VWCE: variants seen among roughly 807,000 people sequenced by gnomAD.
The protein encoded by VWCE is von Willebrand factor C and EGF domains, also known as von Willebrand factor C and EGF domain-containing protein.
Under a neutral mutation model 102.9 loss-of-function variants are expected in VWCE, and 68 were observed. That is an observed-to-expected ratio of 0.66 (90% CI 0.54 to 0.81). The LOEUF (loss-of-function observed/expected upper bound fraction) is 0.81, where lower values mean the gene tolerates loss of function less well. VWCE is among the 30% of genes least tolerant of loss of function. The pLI is 0.00. For missense variants in VWCE, 1,137 were observed against 1,263.6 expected (o/e 0.90, Z 1.52); for synonymous variants, 497 against 515.4 (o/e 0.96, Z 0.48).
Position 61,286,469 on chromosome 11 carries a change from C to T in VWCE, c.425-39G>A, listed in dbSNP as rs1235213896. ...AAGCACGTGTTTACACAGTGGTCCT[C>T]GCAAGAGGAACTTACACATTTGTCA... On this transcript the variant is annotated intron_variant, in intron 4 of 19. Transcript: ENST00000335613. The T allele has an allele frequency of 6.3e-6, 10 of 1,577,512 alleles. No individual in the cohort carries two copies. In the East Asian group the frequency reaches 1.3e-4, roughly 21 times the overall value.
rs188100752 is a variant in VWCE at position 61,280,486 on chromosome 11, C to T, written c.1324+138G>A. 503 of 849,326 alleles carry T rather than the reference C, an allele frequency of 5.9e-4. 5 individuals are homozygous for T. In the African/African-American group the frequency reaches 6.9e-3, roughly 12 times the overall value. 52.6% of individuals were successfully genotyped at this position (849,326 alleles called of 1,614,324 possible). A position where few individuals can be genotyped will look rare whatever the true frequency, so the allele number is the denominator to read the frequency against. Reference sequence around the variant, plus strand: ...ACTACATCAGAAGCTCTGGGAGCAGCGCCAAGGGAAGTGTGGCTTAGTAAA... The same window carrying T: ...ACTACATCAGAAGCTCTGGGAGCAGTGCCAAGGGAAGTGTGGCTTAGTAAA... On this transcript the variant is annotated intron_variant, in intron 9 of 19. Coordinates refer to ENST00000335613, the MANE Select transcript of VWCE (RefSeq NM_152718.2).
rs1014762478 is a variant in VWCE, at chr11:61,275,665, T to G, written c.1495+928A>C. The stretch of plus-strand genomic sequence containing the variant: ...CCCATCTATAAAATGGGGCAATAAA[T>G]AGTACTGCCTTACAGTGGTGACATA... On this transcript the variant is annotated intron_variant, in intron 11 of 19. Transcript: ENST00000335613. Among the ~76,000 whole-genome samples the G allele has an allele frequency of 5.3e-5, 8 of 152,172 alleles. No homozygotes were observed. The South Asian group carries it at 8.3e-4, about 16-fold the overall frequency.
intron 4 of VWCE, among the ~76,000 whole-genome samples, chr11:61,289,189 G>A (rs1175640768): frequency 6.6e-6 from 1 of 151,890 alleles, no homozygotes; most frequent in East Asian, 1.9e-4. Flanking sequence ...CTTAAATAAG[G>A]GACAACAGAC....
At chr11:61,277,086 A>C (rs1348522433) in intron 10 of VWCE, among the ~76,000 whole-genome samples, 3 of 138,824 alleles carry the variant, frequency 2.2e-5, no homozygotes. Context: ...GGAGAGAGGA[A>C]GGAAGAGAGA....
chr11:61,276,738 C>CCATCTCA, intron 10 of VWCE, 58 bp from the exon 11 acceptor site: 1 of 1,397,106 alleles, frequency 7.2e-7, no homozygotes, highest in South Asian at 1.5e-5. Flanking sequence ...GGTTCATTCC[C>CCATCTCA]CATCTCACAG....
At chr11:61,277,985 G>A (rs1295127147) in intron 10 of VWCE, among the ~76,000 whole-genome samples, 1 of 152,170 alleles carries the variant, frequency 6.6e-6, no homozygotes. Context: ...GAGTGAATTT[G>A]CCCAAAGCCA....
chr11:61,269,917 AT>A (rs5792221), intron 14 of VWCE, among the ~76,000 whole-genome samples: 3,238 of 128,452 alleles, frequency 0.025, 56 homozygotes, highest in African/African-American at 0.059. Flanking sequence ...AGCTTACAGC[AT>A]TTTTTTTTTT....
At chr11:61,293,028 G>A (rs1174187828) in intron 1 of VWCE, among the ~76,000 whole-genome samples, 1 of 151,868 alleles carries the variant, frequency 6.6e-6, no homozygotes, top group Non-Finnish European at 1.5e-5. Context: ...GATCACCCGA[G>A]GTCAGGAGTT....
intron 1 of VWCE, among the ~76,000 whole-genome samples, chr11:61,292,591 G>A (rs1452233956): frequency 6.6e-6 from 1 of 152,136 alleles, no homozygotes; most frequent in African/African-American, 2.4e-5. Context: ...GCCCAAAACT[G>A]GAGGCAGTAG....
chr11:61,267,516 A>G lies in VWCE; in HGVS notation c.1911T>C (p.Tyr637=), dbSNP rs1330960831. 3 of 1,614,148 alleles carry G rather than the reference A, an allele frequency of 1.9e-6. No homozygotes were observed. Among genetic ancestry groups the G allele is most frequent in the Non-Finnish European group, 1.7e-6 (2 of 1,180,010 alleles). Residue 637 remains tyrosine (Y), a synonymous_variant, in exon 16 of 20, where the codon TAT becomes TAC. Transcript: ENST00000335613. ...GCACAGACGGGAAGGTCTCGTTGTT[A>G]TAGAAGATTCTGCCTGTGTAGGTGC... The part of the protein sequence containing the change: ...AGCTYTGRIF[Y]NNETFPSVLD...
At position 61,268,944 on chromosome 11, in the gene VWCE, C is replaced by T. The variant is rs1854589948; in HGVS notation, c.1860G>A (p.Gln620=). 1 of 1,614,038 alleles carries T rather than the reference C, an allele frequency of 6.2e-7. No homozygotes were observed. The highest frequency in any genetic ancestry group is 1.1e-5 in the South Asian group (1 of 91,092). Reference sequence around the variant, plus strand: ...TACCTGCTGAACAGTCTGGGCAGCACTGTCCAGGGATCCGGATCGGGTGAG... The same window carrying T: ...TACCTGCTGAACAGTCTGGGCAGCATTGTCCAGGGATCCGGATCGGGTGAG... ...SCPHPIRIPG[Q]CCPDCSAGCT... The change falls in exon 15 of 20, where the codon CAG becomes CAA. Residue 620 remains glutamine, a synonymous_variant. Coordinates refer to ENST00000335613, the MANE Select transcript of VWCE (RefSeq NM_152718.2).
chr11:61,281,622 C>A (rs754118390), intron 7 of VWCE, among the ~76,000 whole-genome samples, 164 bp downstream of exon 7: 5 of 151,792 alleles, frequency 3.3e-5, no homozygotes, highest in African/African-American at 9.7e-5. Context: ...GGGAGCCTAG[C>A]GCCAGGTGGG....
At chr11:61,284,816 C>T (rs532589376) in intron 5 of VWCE, among the ~76,000 whole-genome samples, 7 of 152,054 alleles carry the variant, frequency 4.6e-5, no homozygotes, top group South Asian at 2.1e-4. Context: ...GTCGTGGTGG[C>T]GCACACCTGT....
chr11:61,284,454 G>A (rs1457594833), intron 5 of VWCE, among the ~76,000 whole-genome samples: 2 of 152,142 alleles, frequency 1.3e-5, no homozygotes, highest in Non-Finnish European at 2.9e-5. Context: ...CATGGGGAGG[G>A]GCAAGGAGGG....
chr11:61,275,869 A>G (rs1854887409), intron 11 of VWCE, among the ~76,000 whole-genome samples: 1 of 152,220 alleles, frequency 6.6e-6, no homozygotes, highest in Non-Finnish European at 1.5e-5. Flanking sequence ...CAGAGCAATG[A>G]CAAGGGTGGA....
chr11:61,279,822 C>T (rs1472887357), intron 9 of VWCE, among the ~76,000 whole-genome samples: 1 of 152,092 alleles, frequency 6.6e-6, no homozygotes, highest in Non-Finnish European at 1.5e-5. Flanking sequence ...ACCTCCTGAG[C>T]TCAGGTGATC....
In VWCE at chr11:61,267,027, G is replaced by A. The variant is rs367607148; in HGVS notation, c.1965+435C>T. On this transcript the variant is annotated intron_variant, in intron 16 of 19. Transcript: ENST00000335613. ...AATCCCAACACTTTGGGAGGCTGAG[G>A]TGGGCAGATCACCTGAGGTCAGGAG... Among the ~76,000 whole-genome samples, 6 of 152,186 alleles carry A rather than the reference G, an allele frequency of 3.9e-5. No individual in the cohort carries two copies. The South Asian group carries it at 8.3e-4, about 21-fold the overall frequency.
chr11:61,291,327 C>T lies in VWCE; in HGVS notation c.232G>A (p.Gly78Ser). 6.2e-7 allele frequency: 1 copy of T among 1,612,838 alleles called. No individual in the cohort carries two copies. Among genetic ancestry groups the T allele is most frequent in the Non-Finnish European group, 8.5e-7 (1 of 1,179,436 alleles). Residue 78 changes from glycine (G) to serine (S), a missense_variant, in exon 3 of 20, where the codon GGC (glycine) becomes AGC (serine). Coordinates refer to ENST00000335613, the MANE Select transcript of VWCE (RefSeq NM_152718.2). ...LPLCSFGCGS[G>S]ICIAPNVCSC... ...CAGACATTGGGAGCGATGCAGATGC[C>T]ACTCCCACAGCCGAAGGAGCAGAGG... is the stretch of plus-strand genomic sequence containing the variant.
Position 61,259,305 on chromosome 11 carries a change from CAGGG to C in VWCE, c.2234_2237del (p.Ser745CysfsTer58). On this transcript the variant is annotated frameshift_variant, in exon 20 of 20. Coordinates refer to ENST00000335613, the MANE Select transcript of VWCE (RefSeq NM_152718.2). LOFTEE classifies it low-confidence loss of function (END_TRUNC). ...GCCCCTGCTTTTCTTCCAGAGGAGA[CAGGG>C]AATCTAGAGAGACGAGGGTGAAACG... 6.3e-7 allele frequency: 1 copy of C among 1,578,894 alleles called. No individual in the cohort carries two copies.
Sources: gnomAD v4.1 joint callset for allele counts (sites outside exome capture counted in the v4.1 genomes callset) on GRCh38, gnomAD v4.1.1 for gene constraint, MANE v1.5 for transcripts, NCBI Gene and HGNC (gene_info 2026-07-23, HGNC 2026-07-21) for gene names.